Variants in ANKRD36C observed in about 807,000 individuals in gnomAD.
ANKRD36C encodes ankyrin repeat domain-containing protein 36C.
In ANKRD36C, 61 loss-of-function variants were observed where a neutral mutation model predicts 276.4. The ratio of observed to expected loss-of-function variants is 0.22; its 90% confidence interval spans 0.18 to 0.27. The LOEUF is 0.27. Among genes scored for constraint, ANKRD36C ranks in the 10% least tolerant of loss-of-function variants. The pLI, the probability that ANKRD36C is intolerant of heterozygous loss-of-function variation, is 1.00. For missense variants in ANKRD36C, 1,447 were observed against 2,032.3 expected (o/e 0.71, Z 5.54); for synonymous variants, 483 against 680.1 (o/e 0.71, Z 4.51).
chr2:95,873,627 A>T (rs1243838616), intron 59 of ANKRD36C, among the ~76,000 whole-genome samples: 1 of 152,256 alleles, frequency 6.6e-6, no homozygotes, highest in Non-Finnish European at 1.5e-5. Context: ...CAAGACAGGG[A>T]TGCCCTCTCT....
At chr2:95,873,394 T>C (rs1163368161) in intron 59 of ANKRD36C, among the ~76,000 whole-genome samples, 1 of 152,224 alleles carries the variant, frequency 6.6e-6, no homozygotes, top group South Asian at 2.1e-4. Flanking sequence ...ATCCAGCTTA[T>C]AAACAAAACC....
chr2:95,862,911 A>T (rs1310539950), intron 60 of ANKRD36C, among the ~76,000 whole-genome samples: 1 of 151,828 alleles, frequency 6.6e-6, no homozygotes, highest in Admixed American at 6.6e-5. Context: ...TTCCCTAATC[A>T]TACACCAAAC....
At chr2:95,983,716 G>A (rs1480612364) in intron 3 of ANKRD36C, among the ~76,000 whole-genome samples, 1 of 151,500 alleles carries the variant, frequency 6.6e-6, no homozygotes, top group Non-Finnish European at 1.5e-5. Flanking sequence ...ATTCAAGCAC[G>A]AGAAATTCTC....
At chr2:95,866,246 T>C (rs972396279) in intron 60 of ANKRD36C, among the ~76,000 whole-genome samples, 9 of 152,144 alleles carry the variant, frequency 5.9e-5, no homozygotes, top group African/African-American at 2.2e-4. Context: ...TTTTTACATA[T>C]GACACAAAAT....
At chr2:95,920,217 G>A (rs1677226638) in intron 34 of ANKRD36C, among the ~76,000 whole-genome samples, 1 of 132,828 alleles carries the variant, frequency 7.5e-6, no homozygotes, top group African/African-American at 2.6e-5. Context: ...AGGACAAACT[G>A]ATCTAAAATC....
At chr2:95,851,622 G>C in intron 66 of ANKRD36C, 72 bp downstream of exon 86, 1 of 1,272,026 alleles carries the variant, frequency 7.9e-7, no homozygotes, top group Non-Finnish European at 1.1e-6. Flanking sequence ...TTTGGACAAG[G>C]GATATTTAAC....
intron 16 of ANKRD36C, among the ~76,000 whole-genome samples, chr2:95,949,837 T>C (rs1678150840): frequency 6.6e-6 from 1 of 152,312 alleles, no homozygotes; most frequent in African/African-American, 2.4e-5. Flanking sequence ...TCCAAAATTC[T>C]ATGCACCTCT....
chr2:95,914,386 C>T (rs1346024428), intron 38 of ANKRD36C, 83 bp from the exon 41 acceptor site: 1 of 1,478,162 alleles, frequency 6.8e-7, no homozygotes, highest in Non-Finnish European at 9.2e-7. Flanking sequence ...TAGCATCAAC[C>T]TCTGTCTTCC....
intron 58 of ANKRD36C, among the ~76,000 whole-genome samples, chr2:95,878,878 A>G (rs1036029386): frequency 2.0e-5 from 3 of 152,148 alleles, no homozygotes; most frequent in Non-Finnish European, 4.4e-5. Context: ...GAATTAGTAC[A>G]GCCACTATGG....
At chr2:95,971,419 G>A (rs1354711802) in intron 6 of ANKRD36C, among the ~76,000 whole-genome samples, 5 of 149,874 alleles carry the variant, frequency 3.3e-5, no homozygotes, top group African/African-American at 1.2e-4. Flanking sequence ...TGCATGTGAG[G>A]GGGGATGGCG....
At chr2:95,978,146 C>G in exon 6 of ANKRD36C, 2 of 1,273,412 alleles carry the variant, frequency 1.6e-6, no homozygotes, top group Non-Finnish European at 2.2e-6. Context: ...ATAGAAAGCT[C>G]TTCATGTTTC....
At chr2:95,953,119 A>G (rs1678242235) in intron 14 of ANKRD36C, among the ~76,000 whole-genome samples, 2 of 152,184 alleles carry the variant, frequency 1.3e-5, no homozygotes, top group Admixed American at 1.3e-4. Flanking sequence ...CAAAATGCAT[A>G]TTTTTCAATT....
intron 22 of ANKRD36C, among the ~76,000 whole-genome samples, chr2:95,938,075 A>C (rs372962081): frequency 1.4e-5 from 2 of 144,972 alleles, no homozygotes; most frequent in Non-Finnish European, 3.0e-5. Flanking sequence ...TATTATGTAC[A>C]TTGTGTGAAA....
intron 24 of ANKRD36C, among the ~76,000 whole-genome samples, chr2:95,930,825 A>G (rs1237941817): frequency 6.6e-6 from 1 of 151,492 alleles, no homozygotes; most frequent in African/African-American, 2.4e-5. Context: ...GCTTTCCAAA[A>G]AAAAAACAAA....
At chr2:95,954,282 G>A (rs1212958785) in intron 13 of ANKRD36C, among the ~76,000 whole-genome samples, 2 of 152,078 alleles carry the variant, frequency 1.3e-5, no homozygotes, top group African/African-American at 2.4e-5. Context: ...ATAGTGACAG[G>A]CATTATAATG....
At chr2:95,875,947 C>A (rs12053473) in intron 59 of ANKRD36C, 168 of 430,360 alleles carry the variant, frequency 3.9e-4, no homozygotes, top group Non-Finnish European at 7.1e-4. Flanking sequence ...ATTTTATGAC[C>A]TATTCTCTCC....
At position 95,916,070 on chromosome 2, in the gene ANKRD36C, C is replaced by A. The variant is rs768939532; in HGVS notation, c.2377-18G>T. ...CTTGTAGCCTGAATGGAATTTGAAA[C>A]AAAATAATAAATAAGGTATGTTTCA... is the stretch of plus-strand genomic sequence containing the variant. On this transcript the variant is annotated intron_variant, in intron 37 of 66. Coordinates refer to ENST00000456556, the Ensembl canonical transcript of ANKRD36C. 56 of 1,595,756 alleles carry A rather than the reference C, an allele frequency of 3.5e-5. No individual in the cohort carries two copies. In the Admixed American group the frequency reaches 5.0e-4, roughly 14 times the overall value.
intron 17 of ANKRD36C, among the ~76,000 whole-genome samples, chr2:95,947,807 A>T (rs2104477813): frequency 1.3e-5 from 2 of 152,276 alleles, no homozygotes; most frequent in Middle Eastern, 6.8e-3. Flanking sequence ...CAGAATTTAA[A>T]TTTCTAATAT....
At position 95,891,199 on chromosome 2, in the gene ANKRD36C, C is replaced by G. The variant is rs147445200; in HGVS notation, c.2857+466G>C. 7.4e-3 allele frequency among the ~76,000 whole-genome samples: 1,115 copies of G among 150,794 alleles called. 13 individuals are homozygous for G. The highest frequency in any genetic ancestry group is 0.052 in the East Asian group (266 of 5,106). Reference sequence around the variant, plus strand: ...GAATTCCTCTTTTTCCACCTTCCTGCCTCACAATCCGTCTTCCTTAGGAAA... The same window carrying G: ...GAATTCCTCTTTTTCCACCTTCCTGGCTCACAATCCGTCTTCCTTAGGAAA... On this transcript the variant is annotated intron_variant, in intron 46 of 66. Transcript: ENST00000456556.
Sources: gnomAD v4.1 joint callset for allele counts (sites outside exome capture counted in the v4.1 genomes callset) on GRCh38, gnomAD v4.1.1 for gene constraint, MANE v1.5 for transcripts, NCBI Gene and HGNC (gene_info 2026-07-23, HGNC 2026-07-21) for gene names.